PPCS: variants seen among roughly 807,000 people sequenced by gnomAD.
PPCS encodes the protein phosphopantothenate--cysteine ligase.
PPCS carries 17 observed loss-of-function variants against 24.6 expected under a neutral mutation model. The observed-to-expected ratio is 0.69, with a 90% CI of 0.47 to 1.04. PPCS has a LOEUF of 1.04. Among genes scored for constraint, PPCS ranks in the 50% least tolerant of loss-of-function variants. PPCS has a pLI of 0.00. For missense variants in PPCS, 360 were observed against 402.8 expected (o/e 0.89, Z 0.91); for synonymous variants, 190 against 168.3 (o/e 1.13, Z -1.00).
intron 2 of PPCS, among the ~76,000 whole-genome samples, chr1:42,468,244 G>A (rs1643655337): frequency 6.6e-6 from 1 of 152,212 alleles, no homozygotes; most frequent in Non-Finnish European, 1.5e-5. Flanking sequence ...TCTATAACTG[G>A]TGGGGCAGCA....
At position 42,473,001 on chromosome 1, in the gene PPCS, C is replaced by G. The variant is rs552939840; in HGVS notation, n.378-121C>G. On this transcript the variant is annotated intron_variant and non_coding_transcript_variant, in intron 2 of 2. Transcript: ENST00000471420. ...CAGGTAGCTTACTAGCTTTCTATTG[C>G]TAGTACCCTAAAGACTAGTACTCTA... 3.4e-6 allele frequency: 3 copies of G among 887,026 alleles called. No individual in the cohort carries two copies. The East Asian group carries it at 1.2e-4, about 35-fold the overall frequency. The allele number at this position is 887,026 out of a possible 1,614,324, so 54.9% of individuals were successfully genotyped here. A position where few individuals can be genotyped will look rare whatever the true frequency, so the allele number is the denominator to read the frequency against.
chr1:42,459,939 T>A lies in PPCS; in HGVS notation c.*13T>A, dbSNP rs1368928280. ...TGACAGAAACTGAAGTAAAAAGCCC[T>A]TATAGGATCAAAAATTGTTCAGGGC... On this transcript the variant is annotated 3_prime_UTR_variant, in exon 3 of 3. Coordinates refer to ENST00000372561, the MANE Select transcript of PPCS (RefSeq NM_024664.4). 1 of 1,576,102 alleles carries A rather than the reference T, an allele frequency of 6.3e-7. No individual in the cohort carries two copies. Among genetic ancestry groups the A allele is most frequent in the African/African-American group, 1.4e-5 (1 of 72,960 alleles).
At chr1:42,470,240 T>C (rs1341838564) in intron 2 of PPCS, among the ~76,000 whole-genome samples, 1 of 152,050 alleles carries the variant, frequency 6.6e-6, no homozygotes, top group Non-Finnish European at 1.5e-5. Context: ...ACTGTAATTG[T>C]AGAATTCTTT....
intron 2 of PPCS, among the ~76,000 whole-genome samples, chr1:42,467,943 C>A (rs1643643057): frequency 1.3e-5 from 2 of 152,192 alleles, no homozygotes; most frequent in Non-Finnish European, 2.9e-5. Flanking sequence ...GATGAGCAAG[C>A]AGAGGAAGTT....
chr1:42,456,939 T>C lies in PPCS; in HGVS notation c.374T>C (p.Leu125Pro). The change falls in exon 1 of 3, where the codon CTT (leucine) becomes CCT (proline). Residue 125 changes from leucine (L) to proline (P), a missense_variant. Physicochemically the swap from Leu to Pro is moderately conservative, Grantham distance 98. This residue lies in a region of PPCS where 244 missense variants were observed against 234.7 expected (regional missense o/e 1.04). Coordinates refer to ENST00000372561, the MANE Select transcript of PPCS (RefSeq NM_024664.4). ...AGCCTGGAGGCCGAGGAGAATGCAC[T>C]TCCGGGTTTTGCTGAGGCTCTGAGG... Reference protein sequence around the residue: ...LLSLEAEENALPGFAEALRSY... With the variant: ...LLSLEAEENAPPGFAEALRSY... The C allele has an allele frequency of 1.2e-6, 2 of 1,607,218 alleles. No individual in the cohort carries two copies. Among genetic ancestry groups the C allele is most frequent in the Non-Finnish European group, 1.7e-6 (2 of 1,180,002 alleles).
chr1:42,458,203 G>A (rs1643292092), intron 2 of PPCS, among the ~76,000 whole-genome samples: 1 of 152,196 alleles, frequency 6.6e-6, no homozygotes, highest in African/African-American at 2.4e-5. Flanking sequence ...GTAGGAGAAT[G>A]AGATAAAGTT....
At chr1:42,472,234 C>T (rs972477966) in intron 2 of PPCS, among the ~76,000 whole-genome samples, 23 of 152,052 alleles carry the variant, frequency 1.5e-4, no homozygotes, top group African/African-American at 4.8e-4. Context: ...GCCTGGGCAA[C>T]AGAGGTAGAC....
Position 42,456,696 on chromosome 1 carries a change from G to A in PPCS, c.131G>A (p.Gly44Asp), listed in dbSNP as rs748590399. The change falls in exon 1 of 3, where the codon GGC becomes GAC. Residue 44 changes from glycine to aspartate, a missense_variant. Physicochemically the swap from Gly to Asp is moderately conservative, Grantham distance 94. This residue lies in a region of PPCS where 244 missense variants were observed against 234.7 expected (regional missense o/e 1.04). Coordinates refer to ENST00000372561, the MANE Select transcript of PPCS (RefSeq NM_024664.4). ...GRRVVLVTSG[G>D]TKVPLEARPV... ...CGGGTGGTGTTGGTTACGTCAGGCG[G>A]CACCAAGGTCCCACTGGAAGCGCGG... 1 of 1,607,140 alleles carries A rather than the reference G, an allele frequency of 6.2e-7. No homozygotes were observed. Among genetic ancestry groups the A allele is most frequent in the South Asian group, 1.1e-5 (1 of 90,802 alleles).
At chr1:42,469,139 G>A (rs1643683611) in intron 2 of PPCS, among the ~76,000 whole-genome samples, 2 of 152,298 alleles carry the variant, frequency 1.3e-5, no homozygotes, top group Middle Eastern at 3.4e-3. Flanking sequence ...AGCACTTTGA[G>A]AGGCTGAAAT....
At chr1:42,467,150 G>A (rs918250315) in intron 2 of PPCS, among the ~76,000 whole-genome samples, 5 of 152,154 alleles carry the variant, frequency 3.3e-5, no homozygotes, top group Admixed American at 6.5e-5. Context: ...AGGCTAGAGA[G>A]ACTGGGAGGA....
At chr1:42,469,876 T>C (rs1173715939) in intron 2 of PPCS, among the ~76,000 whole-genome samples, 2 of 152,208 alleles carry the variant, frequency 1.3e-5, no homozygotes, top group East Asian at 1.9e-4. Flanking sequence ...TTTTGAATAG[T>C]TGCTGAGTGA....
At chr1:42,467,297 G>A (rs1347121794) in intron 2 of PPCS, among the ~76,000 whole-genome samples, 1 of 152,226 alleles carries the variant, frequency 6.6e-6, no homozygotes, top group African/African-American at 2.4e-5. Context: ...TTGGATGAGG[G>A]CCAGCCTGGC....
chr1:42,469,841 T>A lies in PPCS; in HGVS notation n.378-3281T>A, dbSNP rs375412859. Among the ~76,000 whole-genome samples the A allele has an allele frequency of 3.3e-5, 5 of 152,222 alleles. No homozygotes were observed. The South Asian group carries it at 1.0e-3, about 32-fold the overall frequency. Reference sequence around the variant, plus strand: ...CAAGAGTGAGGGGAGAGATGAGATATTCAGTTTGATGGGAGAGGTAAAAGT... The same window carrying A: ...CAAGAGTGAGGGGAGAGATGAGATAATCAGTTTGATGGGAGAGGTAAAAGT... On this transcript the variant is annotated intron_variant and non_coding_transcript_variant, in intron 2 of 2. Coordinates refer to the PPCS transcript ENST00000471420.
rs560654257 is a variant in PPCS, at chr1:42,460,783, C to T, written c.*857C>T. On this transcript the variant is annotated 3_prime_UTR_variant, in exon 3 of 3. Transcript: ENST00000372561. Reference sequence around the variant, plus strand: ...CACATGCATAAAATGAGGATAATCTCTCTGCAAAGTAATGCCATTTATTGT... The same window carrying T: ...CACATGCATAAAATGAGGATAATCTTTCTGCAAAGTAATGCCATTTATTGT... Among the ~76,000 whole-genome samples, 22 of 152,174 alleles carry T rather than the reference C, an allele frequency of 1.4e-4. No individual in the cohort carries two copies. Among genetic ancestry groups the T allele is most frequent in the Admixed American group, 5.2e-4 (8 of 15,282 alleles).
intron 2 of PPCS, among the ~76,000 whole-genome samples, chr1:42,471,071 A>G (rs1034509522): frequency 9.2e-5 from 14 of 152,206 alleles, no homozygotes; most frequent in African/African-American, 3.4e-4. Context: ...GGCTGTTGAT[A>G]AGGACTCAGG....
At chr1:42,470,462 G>C (rs569633559) in intron 2 of PPCS, among the ~76,000 whole-genome samples, 1 of 152,150 alleles carries the variant, frequency 6.6e-6, no homozygotes, top group South Asian at 2.1e-4. Flanking sequence ...CCACTCCTAC[G>C]TATATACCCC....
At chr1:42,472,483 G>T (rs1643803250) in intron 2 of PPCS, among the ~76,000 whole-genome samples, 1 of 151,978 alleles carries the variant, frequency 6.6e-6, no homozygotes, top group Admixed American at 6.6e-5. Flanking sequence ...AATAAATCCT[G>T]GATAGTATAG....
At chr1:42,471,209 C>T (rs1643759217) in intron 2 of PPCS, among the ~76,000 whole-genome samples, 1 of 152,142 alleles carries the variant, frequency 6.6e-6, no homozygotes, top group African/African-American at 2.4e-5. Context: ...TACCGTCCTA[C>T]TGATCAGCAA....
Position 42,459,865 on chromosome 1 carries a change from A to C in PPCS, c.875A>C (p.Glu292Ala). The C allele has an allele frequency of 1.2e-6, 2 of 1,614,158 alleles. No homozygotes were observed. Among genetic ancestry groups the C allele is most frequent in the South Asian group, 2.2e-5 (2 of 91,080 alleles). ...EEEIEKGVEI[E>A]EKIVDNLQSR... ...GAAATAGAAAAAGGCGTAGAGATAG[A>C]AGAGAAGATAGTGGATAATCTTCAG... Residue 292 changes from glutamate to alanine, a missense_variant, in exon 3 of 3, where the codon GAA (glutamate) becomes GCA (alanine). This residue lies in a region of PPCS where 116 missense variants were observed against 168.1 expected (regional missense o/e 0.69). Transcript: ENST00000372561.
Sources: gnomAD v4.1 joint callset for allele counts (sites outside exome capture counted in the v4.1 genomes callset) on GRCh38, gnomAD v4.1.1 for gene constraint, gnomAD v4.1.1 regional missense constraint, MANE v1.5 for transcripts, NCBI Gene and HGNC (gene_info 2026-07-23, HGNC 2026-07-21) for gene names.